The following KYAT1 variants were observed in gnomAD, a reference collection of about 807,000 sequenced individuals.
KYAT1 encodes kynurenine--oxoglutarate transaminase 1.
KYAT1 carries 47 observed loss-of-function variants against 52.4 expected under a neutral mutation model. The observed-to-expected ratio is 0.90, with a 90% CI of 0.71 to 1.14. The LOEUF (loss-of-function observed/expected upper bound fraction) is 1.14, where lower values mean the gene tolerates loss of function less well. Ranked by LOEUF, KYAT1 falls within the 50% of genes most tolerant of loss-of-function variation. The pLI is 0.00. For missense variants in KYAT1, 480 were observed against 557.9 expected, an observed-to-expected ratio of 0.86 and a Z score of 1.41; for synonymous variants, 212 against 209.6, an observed-to-expected ratio of 1.01 and a Z score of -0.10.
intron 1 of KYAT1, among the ~76,000 whole-genome samples, chr9:128,856,790 A>G (rs542108577): frequency 1.6e-4 from 24 of 152,362 alleles, no homozygotes; most frequent in African/African-American, 3.4e-4. Context: ...TTGGAAAGCC[A>G]CGTATTGTCC....
intron 1 of KYAT1, among the ~76,000 whole-genome samples, chr9:128,869,189 T>C (rs1219440643): frequency 4.0e-5 from 6 of 148,556 alleles, no homozygotes; most frequent in South Asian, 2.1e-4. Context: ...TGAGATGGAG[T>C]CTCGCTCTGT....
chr9:128,838,372 C>T lies in KYAT1; in HGVS notation c.202-5G>A. Reference sequence around the variant, plus strand: ...CTTCGTCAGTGGTGGGTAACCCTGCCAGGACAGCAGGGGTTAACTGTCCAG... The same window carrying T: ...CTTCGTCAGTGGTGGGTAACCCTGCTAGGACAGCAGGGGTTAACTGTCCAG... On this transcript the variant is annotated splice_polypyrimidine_tract_variant and splice_region_variant and intron_variant, in intron 3 of 12. Coordinates refer to ENST00000302586, the MANE Select transcript of KYAT1 (RefSeq NM_004059.5). The T allele has an allele frequency of 5.0e-6, 8 of 1,614,074 alleles. No individual in the cohort carries two copies. The highest frequency in any genetic ancestry group is 6.8e-6 in the Non-Finnish European group (8 of 1,180,026).
intron 1 of KYAT1, among the ~76,000 whole-genome samples, chr9:128,868,162 A>G (rs985178850): frequency 1.3e-5 from 2 of 151,422 alleles, no homozygotes; most frequent in African/African-American, 4.9e-5. Context: ...TAATAAACCC[A>G]AACATCTATG....
chr9:128,860,416 G>A (rs984455693), intron 1 of KYAT1: 3 of 152,184 alleles, frequency 2.0e-5, no homozygotes, highest in Middle Eastern at 3.2e-3. Context: ...TTCCCACCCA[G>A]GTGCTGATTC....
chr9:128,864,541 TAGCCC>T (rs942921211), intron 1 of KYAT1, among the ~76,000 whole-genome samples: 8 of 152,102 alleles, frequency 5.3e-5, no homozygotes, highest in Admixed American at 3.9e-4. Flanking sequence ...CTCTGGCCCA[TAGCCC>T]AGCCCATTTG....
At chr9:128,849,901 T>TC (rs1833711322) in intron 1 of KYAT1, among the ~76,000 whole-genome samples, 1 of 148,796 alleles carries the variant, frequency 6.7e-6, no homozygotes, top group South Asian at 2.1e-4. Flanking sequence ...TTTTTTTTTT[T>TC]TGAGATAGGG....
At chr9:128,872,083 G>A (rs1224665618) in intron 1 of KYAT1, among the ~76,000 whole-genome samples, 2 of 147,098 alleles carry the variant, frequency 1.4e-5, no homozygotes, top group African/African-American at 5.1e-5. Context: ...AGCTGAGATC[G>A]TGCCACTGCA....
Position 128,833,633 on chromosome 9 carries a change from G to A in KYAT1, c.1220C>T (p.Thr407Met), listed in dbSNP as rs760701488. 32 of 1,614,120 alleles carry A rather than the reference G, an allele frequency of 2.0e-5. No homozygotes were observed. The highest frequency in any genetic ancestry group is 2.5e-5 in the Non-Finnish European group (30 of 1,180,040). ...CAGCTTCTCGTCCATGGCCTGGAGC[G>A]TGGCTTCATCCTGCGCCAGCACAGA... ...IRFCFVKDEA[T>M]LQAMDEKLRK... Residue 407 changes from threonine (T) to methionine (M), a missense_variant, in exon 13 of 13, where the codon ACG becomes ATG. Physicochemically the swap from Thr to Met is moderately conservative, Grantham distance 81 (BLOSUM62 -1). Coordinates refer to ENST00000302586, the MANE Select transcript of KYAT1 (RefSeq NM_004059.5).
intron 2 of KYAT1, among the ~76,000 whole-genome samples, chr9:128,844,795 C>A (rs1464079848): frequency 6.6e-6 from 1 of 151,902 alleles, no homozygotes; most frequent in Non-Finnish European, 1.5e-5. Flanking sequence ...ACCCAGGAGG[C>A]AGAGGTTGCA....
At chr9:128,865,312 T>C (rs1456808856) in intron 1 of KYAT1, among the ~76,000 whole-genome samples, 2 of 2,474 alleles carry the variant, frequency 8.1e-4, no homozygotes, top group Non-Finnish European at 6.2e-4. Context: ...AGCCTACATA[T>C]ATATATATAT....
intron 1 of KYAT1, among the ~76,000 whole-genome samples, chr9:128,872,652 G>A (rs371291037): frequency 4.7e-4 from 71 of 149,536 alleles, no homozygotes; most frequent in African/African-American, 1.5e-3. Context: ...CTGTAATCCC[G>A]GCTACTCGGG....
chr9:128,858,304 C>T (rs61629899), intron 1 of KYAT1, among the ~76,000 whole-genome samples: 8,311 of 144,816 alleles, frequency 0.057, 272 homozygotes, highest in African/African-American at 0.099. Flanking sequence ...GGCTGAGGTA[C>T]GAGAATCGCT....
intron 1 of KYAT1, among the ~76,000 whole-genome samples, chr9:128,871,047 T>G (rs1588149928): frequency 6.6e-6 from 1 of 151,892 alleles, no homozygotes; most frequent in Non-Finnish European, 1.5e-5. Flanking sequence ...CTGGCCGCGG[T>G]GACTCACACC....
chr9:128,840,760 A>ATGTT, intron 3 of KYAT1: 1 of 371,220 alleles, frequency 2.7e-6, no homozygotes, highest in Non-Finnish European at 5.3e-6. Context: ...GGATCTCACT[A>ATGTT]TGTTGCACTG....
At chr9:128,870,325 A>C (rs1837055939) in intron 1 of KYAT1, among the ~76,000 whole-genome samples, 1 of 152,216 alleles carries the variant, frequency 6.6e-6, no homozygotes. Context: ...GTGCTGACAC[A>C]TGCTGTAACT....
rs376433877 is a variant in KYAT1 at position 128,841,428 on chromosome 9, AGGAGGC to A, written c.201+1220_201+1225del. ...TGAGGCAGGAGAATGGCTTGAACCC[AGGAGGC>A]GGAGGCGGAGGCGGAGGCGGAGGTT... is the stretch of plus-strand genomic sequence containing the variant. On this transcript the variant is annotated intron_variant, in intron 3 of 12. Transcript: ENST00000302586. 7.9e-4 allele frequency among the ~76,000 whole-genome samples: 120 copies of A among 151,830 alleles called. 1 individual carries two copies. In the South Asian group the frequency reaches 0.018, roughly 23 times the overall value.
chr9:128,882,441 A>C, upstream of KYAT1: 6 of 325,488 alleles, frequency 1.8e-5, no homozygotes, highest in East Asian at 9.2e-5. Flanking sequence ...TCTCCGGGGC[A>C]CCACCTTCTC....
chr9:128,856,307 C>G (rs1834583222), intron 1 of KYAT1, among the ~76,000 whole-genome samples: 1 of 152,122 alleles, frequency 6.6e-6, no homozygotes. Flanking sequence ...CTGGAAGTTC[C>G]ACTATTGCAA....
At chr9:128,852,239 T>C (rs1834048912) in intron 1 of KYAT1, among the ~76,000 whole-genome samples, 1 of 152,194 alleles carries the variant, frequency 6.6e-6, no homozygotes, top group African/African-American at 2.4e-5. Context: ...AATGCCATAA[T>C]ACAACCCATG....
Sources: allele counts gnomAD v4.1 joint callset (sites outside exome capture counted in the v4.1 genomes callset), GRCh38; gene constraint gnomAD v4.1.1; transcripts MANE v1.5; gene names NCBI Gene and HGNC (gene_info 2026-07-23, HGNC 2026-07-21).